The following ZNF83 variants were observed in gnomAD, a reference collection of about 807,000 sequenced individuals.
ZNF83 encodes the protein zinc finger protein 83, also known as zinc finger protein 816B.
For synonymous variants in ZNF83, 209 were observed against 213.0 expected (o/e 0.98, Z 0.17); for missense variants, 552 against 629.9 (o/e 0.88, Z 1.32).
intron 1 of ZNF83, among the ~76,000 whole-genome samples, chr19:52,688,817 T>C (rs2062092168): frequency 6.6e-6 from 1 of 151,854 alleles, no homozygotes; most frequent in African/African-American, 2.4e-5. Context: ...GGTTTAAAAA[T>C]AAAAAGAAAA....
chr19:52,665,409 A>G (rs1189078627), intron 1 of ZNF83, among the ~76,000 whole-genome samples: 2 of 149,398 alleles, frequency 1.3e-5, no homozygotes, highest in Non-Finnish European at 3.0e-5. Context: ...CGTCTCAATA[A>G]GAAAAAAAGT....
chr19:52,618,741 A>G, intron 2 of ZNF83: 1 of 1,057,838 alleles, frequency 9.5e-7, no homozygotes, highest in Non-Finnish European at 1.3e-6. Flanking sequence ...ACCCCCACTG[A>G]GCTATCATGA....
At chr19:52,613,398 T>C (rs372410284) in exon 3 of ZNF83, 2 of 1,613,300 alleles carry the variant, frequency 1.2e-6, no homozygotes, top group Non-Finnish European at 1.7e-6. Context: ...TGTGATGTTG[T>C]ACAAGATGTG....
intron 3 of ZNF83, among the ~76,000 whole-genome samples, chr19:52,650,252 CTTTTCTTTCT>C (rs2061425634): frequency 1.0e-5 from 1 of 99,188 alleles, no homozygotes; most frequent in Non-Finnish European, 1.9e-5. Context: ...GAGCTTGTTA[CTTTTCTTTCT>C]TTTTTTTTTT....
At chr19:52,650,386 T>C (rs541426920) in intron 3 of ZNF83, 1 of 152,286 alleles carries the variant, frequency 6.6e-6, no homozygotes, top group South Asian at 2.1e-4. Flanking sequence ...CCTTCCCAAG[T>C]AGCTAGTATT....
Position 52,634,920 on chromosome 19 carries a change from G to A in ZNF83, c.-234+146C>T, listed in dbSNP as rs545343998. 6.3e-5 allele frequency: 49 copies of A among 783,926 alleles called. No individual in the cohort carries two copies. In the South Asian group the frequency reaches 7.3e-4, roughly 12 times the overall value. 48.6% of individuals were successfully genotyped at this position (783,926 alleles called of 1,614,324 possible). A position where few individuals can be genotyped will look rare whatever the true frequency, so the allele number is the denominator to read the frequency against. On this transcript the variant is annotated intron_variant, in intron 2 of 2. Coordinates refer to ENST00000301096, the Ensembl canonical transcript of ZNF83. ...ACAAGAGATGGAATCTAAGTGAGAT[G>A]AGAGGGACTGAGGGAAGGCATGGGT...
rs565508324 is a variant in ZNF83, at chr19:52,686,054, G to A, written c.-283+4389C>T. ...CTCCCAGCTCAAGATTTTAACAAAT[G>A]ACATAAGGAAAGAAAACTGAAAAAT... On this transcript the variant is annotated intron_variant, in intron 1 of 5. Transcript: ENST00000594682. Among the ~76,000 whole-genome samples, 6 of 152,172 alleles carry A rather than the reference G, an allele frequency of 3.9e-5. No individual in the cohort carries two copies. In the East Asian group the frequency reaches 1.2e-3, roughly 29 times the overall value.
exon 3 of ZNF83, chr19:52,613,812 ATGT>A (rs1228394768): frequency 1.2e-6 from 2 of 1,613,950 alleles, no homozygotes; most frequent in South Asian, 1.1e-5. Flanking sequence ...GAATGATCAG[ATGT>A]TGTACAAGGT....
chr19:52,676,663 T>C (rs1459261718), intron 1 of ZNF83, among the ~76,000 whole-genome samples: 3 of 139,808 alleles, frequency 2.1e-5, no homozygotes, highest in Non-Finnish European at 4.8e-5. Flanking sequence ...AGGATGACAA[T>C]GGCGGCTTTG....
At chr19:52,659,752 T>C (rs2061554567) in intron 2 of ZNF83, among the ~76,000 whole-genome samples, 1 of 152,068 alleles carries the variant, frequency 6.6e-6, no homozygotes. Context: ...CTTAAGAATA[T>C]CCAACATGGA....
At chr19:52,664,445 C>G (rs2147288955) in intron 1 of ZNF83, among the ~76,000 whole-genome samples, 1 of 152,132 alleles carries the variant, frequency 6.6e-6, no homozygotes, top group East Asian at 1.9e-4. Context: ...GCGGTGAGCT[C>G]TGATCCTGTA....
At chr19:52,642,297 G>A, upstream of ZNF83, among the ~76,000 whole-genome samples, 1 of 59,096 alleles carries the variant, frequency 1.7e-5, no homozygotes, top group African/African-American at 7.5e-5. Flanking sequence ...TTTTGAGACA[G>A]TTTTGCTCTT....
chr19:52,642,175 C>A (rs1242192302), upstream of ZNF83, among the ~76,000 whole-genome samples: 2 of 149,576 alleles, frequency 1.3e-5, no homozygotes, highest in Non-Finnish European at 3.0e-5. Context: ...GATAAGCTAT[C>A]AGTTTACATT....
chr19:52,634,849 G>A (rs2061092301), intron 2 of ZNF83, among the ~76,000 whole-genome samples: 1 of 152,074 alleles, frequency 6.6e-6, no homozygotes, highest in African/African-American at 2.4e-5. Flanking sequence ...GCCCTTACCA[G>A]GACCATGCCC....
intron 1 of ZNF83, among the ~76,000 whole-genome samples, chr19:52,671,613 G>T (rs369402489): frequency 3.8e-3 from 575 of 152,196 alleles, no homozygotes; most frequent in African/African-American, 5.4e-3. Context: ...TGGCTAATTT[G>T]TTAGTACTTT....
intron 2 of ZNF83, chr19:52,655,699 C>T (rs898460798): frequency 5.0e-6 from 5 of 1,001,968 alleles, no homozygotes; most frequent in Admixed American, 2.0e-5. Context: ...TAAAATTAAA[C>T]ACACATTTCA....
chr19:52,665,046 C>T (rs555833082), intron 1 of ZNF83, among the ~76,000 whole-genome samples: 2 of 152,076 alleles, frequency 1.3e-5, no homozygotes. Flanking sequence ...AACTAGAATG[C>T]GAAATGCAAA....
At chr19:52,656,673 TG>T (rs1416827335) in intron 2 of ZNF83, among the ~76,000 whole-genome samples, 1 of 152,024 alleles carries the variant, frequency 6.6e-6, no homozygotes, top group Non-Finnish European at 1.5e-5. Flanking sequence ...TAAGACAAGC[TG>T]GGCCAACATG....
At chr19:52,678,755 C>T (rs1300235008) in intron 1 of ZNF83, among the ~76,000 whole-genome samples, 1 of 152,004 alleles carries the variant, frequency 6.6e-6, no homozygotes, top group East Asian at 1.9e-4. Flanking sequence ...GGGTGTATCA[C>T]CTGAGGTAAA....
Sources: allele counts gnomAD v4.1 joint callset (sites outside exome capture counted in the v4.1 genomes callset), GRCh38; gene constraint gnomAD v4.1.1; transcripts MANE v1.5; gene names NCBI Gene and HGNC (gene_info 2026-07-23, HGNC 2026-07-21).